Variants in SHFL observed in about 807,000 individuals in gnomAD.
SHFL encodes shiftless antiviral inhibitor of ribosomal frameshifting, also known as shiftless antiviral inhibitor of ribosomal frameshifting protein.
Under a neutral mutation model 34.7 loss-of-function variants are expected in SHFL, and 12 were observed. The observed-to-expected ratio is 0.35, with a 90% CI of 0.22 to 0.56. The LOEUF (loss-of-function observed/expected upper bound fraction) is 0.56, where lower values mean the gene tolerates loss of function less well. Among genes scored for constraint, SHFL ranks in the 20% least tolerant of loss-of-function variants. SHFL has a pLI of 0.88. For missense variants in SHFL, 278 were observed against 411.1 expected, an observed-to-expected ratio of 0.68 and a Z score of 2.80; for synonymous variants, 148 against 156.0, an observed-to-expected ratio of 0.95 and a Z score of 0.38.
intron 5 of SHFL, 24 bp downstream of exon 5, chr19:10,090,071 G>C: frequency 1.9e-6 from 3 of 1,588,176 alleles, no homozygotes; most frequent in Non-Finnish European, 2.6e-6. Flanking sequence ...ACTTAACCTC[G>C]ACTTTGACTG....
chr19:10,087,105 G>A, intron 2 of SHFL, 53 bp downstream of exon 2: 2 of 1,594,960 alleles, frequency 1.3e-6, no homozygotes, highest in South Asian at 1.1e-5. Flanking sequence ...TGGGAGCGCC[G>A]AGGGGGCGTG....
chr19:10,087,245 C>G lies in SHFL; in HGVS notation c.146-6C>G, dbSNP rs1258613400. 1.2e-6 allele frequency: 2 copies of G among 1,613,904 alleles called. No individual in the cohort carries two copies. The highest frequency in any genetic ancestry group is 2.7e-5 in the African/African-American group (2 of 74,932). On this transcript the variant is annotated splice_region_variant and splice_polypyrimidine_tract_variant and intron_variant, in intron 2 of 7. Transcript: ENST00000253110. ...GCCCTTCCCTTATATGCACTCTCCCCCGCAGGGGTAAAGCAAAAAGATGGC... is the reference window on the plus strand; with the variant it reads ...GCCCTTCCCTTATATGCACTCTCCCGCGCAGGGGTAAAGCAAAAAGATGGC...
At position 10,087,063 on chromosome 19, in the gene SHFL, A is replaced by C. The variant is rs1397960555; in HGVS notation, c.145+11A>C. 2 of 1,608,948 alleles carry C rather than the reference A, an allele frequency of 1.2e-6. No homozygotes were observed. The highest frequency in any genetic ancestry group is 1.3e-5 in the African/African-American group (1 of 74,826). The stretch of plus-strand genomic sequence containing the variant: ...GCTCCATCGTGTACGGTGAGGCTGC[A>C]GGGGTCCCGGGCCTGGTGCGGGGAC... On this transcript the variant is annotated intron_variant, in intron 2 of 7. Coordinates refer to ENST00000253110, the MANE Select transcript of SHFL (RefSeq NM_018381.4).
chr19:10,087,176 G>A, intron 2 of SHFL, 75 bp from the exon 3 acceptor site: 1 of 1,604,156 alleles, frequency 6.2e-7, no homozygotes. Context: ...GAGGCTCTGC[G>A]TCGCGGCTCT....
chr19:10,087,925 T>G (rs1257598249), intron 3 of SHFL: 1 of 159,016 alleles, frequency 6.3e-6, no homozygotes. Flanking sequence ...ATGGGAACGC[T>G]GTGGATTTAG....
In SHFL at chr19:10,091,425, C is replaced by T; in HGVS notation, c.489-51C>T. The T allele has an allele frequency of 6.4e-7, 1 of 1,553,096 alleles. No individual in the cohort carries two copies. Among genetic ancestry groups the T allele is most frequent in the Middle Eastern group, 2.1e-4 (1 of 4,874 alleles). The stretch of plus-strand genomic sequence containing the variant: ...GCCCTGCCCCTCCCTGCCCTGGCCC[C>T]ACCCTGGCCCAGCCTCGCCCTCGGA... On this transcript the variant is annotated intron_variant, in intron 6 of 7. Coordinates refer to ENST00000253110, the MANE Select transcript of SHFL (RefSeq NM_018381.4). This position sits in a 1 kb window ranked among gnomAD's most constrained non-coding sequence, Gnocchi z 8.2.
chr19:10,089,443 C>G, intron 3 of SHFL: 1 of 1,563,808 alleles, frequency 6.4e-7, no homozygotes, highest in Non-Finnish European at 8.7e-7. Context: ...GTTTCCCCAT[C>G]TGAGCAATAA....
In SHFL at chr19:10,092,446, T is replaced by C. The variant is rs2088411398; in HGVS notation, c.*144T>C. The stretch of plus-strand genomic sequence containing the variant: ...GACGGGGGGGATTCCTGGGTCCCAT[T>C]TTCAGCGCCCAGGGTCACAGATCCA... On this transcript the variant is annotated 3_prime_UTR_variant, in exon 8 of 8. Transcript: ENST00000253110. The C allele has an allele frequency of 3.3e-6, 5 of 1,521,096 alleles. No individual in the cohort carries two copies. The African/African-American group carries it at 7.0e-5, about 21-fold the overall frequency. 94.2% of individuals were successfully genotyped at this position (1,521,096 alleles called of 1,614,324 possible).
Position 10,092,894 on chromosome 19 carries a change from C to G in SHFL, c.*592C>G. 2.3e-6 allele frequency: 2 copies of G among 874,532 alleles called. No individual in the cohort carries two copies. The highest frequency in any genetic ancestry group is 3.3e-6 in the Non-Finnish European group (2 of 604,502). The allele number at this position is 874,532 out of a possible 1,614,324, so 54.2% of individuals were successfully genotyped here. ...TGGCCCCTCCCATTCTTATTGAATA[C>G]AAGCCCTGATCTTCCATCTCCTCAG... On this transcript the variant is annotated 3_prime_UTR_variant, in exon 8 of 8. Coordinates refer to ENST00000253110, the MANE Select transcript of SHFL (RefSeq NM_018381.4).
rs2088291058 is a variant in SHFL at position 10,086,734 on chromosome 19, C to T, written c.22-195C>T. 2 of 695,300 alleles carry T rather than the reference C, an allele frequency of 2.9e-6. No individual in the cohort carries two copies. The highest frequency in any genetic ancestry group is 4.7e-6 in the Non-Finnish European group (2 of 422,342). 43.1% of individuals were successfully genotyped at this position (695,300 alleles called of 1,614,324 possible). A position where few individuals can be genotyped will look rare whatever the true frequency, so the allele number is the denominator to read the frequency against. ...CTTAGGCTGGGACGCTCGCCCCAGT[C>T]CGCGCCTTCCCCCAACGCCCTGTGG... On this transcript the variant is annotated intron_variant, in intron 1 of 7. Coordinates refer to ENST00000253110, the MANE Select transcript of SHFL (RefSeq NM_018381.4). This position sits in a 1 kb window ranked among gnomAD's most constrained non-coding sequence, Gnocchi z 5.2.
At chr19:10,087,368 C>T (rs778911216) in intron 3 of SHFL, 68 bp downstream of exon 3, 1 of 1,564,456 alleles carries the variant, frequency 6.4e-7, no homozygotes, top group Non-Finnish European at 8.8e-7. Flanking sequence ...GGACCCGACC[C>T]GTTCATGGTG....
Position 10,091,679 on chromosome 19 carries a change from T to A in SHFL, c.643+49T>A, listed in dbSNP as rs1019865724. 2 of 1,489,922 alleles carry A rather than the reference T, an allele frequency of 1.3e-6. No individual in the cohort carries two copies. The highest frequency in any genetic ancestry group is 4.6e-5 in the Admixed American group (2 of 43,194). 92.3% of individuals were successfully genotyped at this position (1,489,922 alleles called of 1,614,324 possible). A position where few individuals can be genotyped will look rare whatever the true frequency, so the allele number is the denominator to read the frequency against. On this transcript the variant is annotated intron_variant, in intron 7 of 7. Coordinates refer to ENST00000253110, the MANE Select transcript of SHFL (RefSeq NM_018381.4). This position sits in a 1 kb window ranked among gnomAD's most constrained non-coding sequence, Gnocchi z 8.2. ...CCTGGACAGTCTTTGTCCCCTTCTG[T>A]GCCTTTAAGTCCCCAAATCTCCACT...
At chr19:10,088,916 T>C (rs12611087) in intron 3 of SHFL, 144,979 of 151,088 alleles carry the variant, frequency 0.96, 69,639 homozygotes, top group Non-Finnish European at 0.98. Context: ...CATTGCACTC[T>C]AGCCTGGGAG....
In SHFL at chr19:10,087,243, C is replaced by T. The variant is rs757181284; in HGVS notation, c.146-8C>T. 6 of 1,614,042 alleles carry T rather than the reference C, an allele frequency of 3.7e-6. No individual in the cohort carries two copies. The East Asian group carries it at 6.7e-5, about 18-fold the overall frequency. On this transcript the variant is annotated splice_region_variant and splice_polypyrimidine_tract_variant and intron_variant, in intron 2 of 7. Transcript: ENST00000253110. ...GGGCCCTTCCCTTATATGCACTCTCCCCCGCAGGGGTAAAGCAAAAAGATG... is the reference window on the plus strand; with the variant it reads ...GGGCCCTTCCCTTATATGCACTCTCTCCCGCAGGGGTAAAGCAAAAAGATG...
chr19:10,093,131 T>G lies in SHFL; in HGVS notation c.*829T>G. On this transcript the variant is annotated 3_prime_UTR_variant, in exon 8 of 8. Transcript: ENST00000253110. ...CCTCTGCCCTTTACTTGAACAGGAG[T>G]CTTGATTCTTTTTTTGCCTCATCAG... The G allele has an allele frequency of 3.4e-6, 2 of 589,318 alleles. No individual in the cohort carries two copies. Among genetic ancestry groups the G allele is most frequent in the Non-Finnish European group, 5.8e-6 (2 of 343,108 alleles). 36.5% of individuals were successfully genotyped at this position (589,318 alleles called of 1,614,324 possible). A position where few individuals can be genotyped will look rare whatever the true frequency, so the allele number is the denominator to read the frequency against.
intron 5 of SHFL, 60 bp downstream of exon 5, chr19:10,090,107 T>A: frequency 6.5e-7 from 1 of 1,536,956 alleles, no homozygotes; most frequent in South Asian, 1.2e-5. Flanking sequence ...CTGACTCCTA[T>A]CCTCAGTGAC....
At chr19:10,089,735 G>T in intron 4 of SHFL, 40 bp downstream of exon 4, 3 of 1,581,742 alleles carry the variant, frequency 1.9e-6, no homozygotes, top group Admixed American at 1.8e-5. Context: ...GGAGTTGGGA[G>T]GGGGACATCT....
Position 10,089,525 on chromosome 19 carries a change from T to G in SHFL, c.196-132T>G, listed in dbSNP as rs192181287. On this transcript the variant is annotated intron_variant, in intron 3 of 7. Transcript: ENST00000253110. ...GGCCACACACCTGGCTCTCAATAAGTGAGTGGTGCTCTGTGAGCTTCTGGC... is the reference window on the plus strand; with the variant it reads ...GGCCACACACCTGGCTCTCAATAAGGGAGTGGTGCTCTGTGAGCTTCTGGC... 7,453 of 1,374,584 alleles carry G rather than the reference T, an allele frequency of 5.4e-3. 64 individuals are homozygous for G. Among genetic ancestry groups the G allele is most frequent in the South Asian group, 0.026 (2,098 of 80,446 alleles). The allele number at this position is 1,374,584 out of a possible 1,614,324, so 85.1% of individuals were successfully genotyped here.
chr19:10,087,382 G>T (rs748424801), intron 3 of SHFL, 82 bp downstream of exon 3: 21 of 1,476,416 alleles, frequency 1.4e-5, no homozygotes, highest in Non-Finnish European at 1.8e-5. Context: ...CATGGTGACT[G>T]ACCCCCCTCT....
Sources: allele counts gnomAD v4.1 joint callset, GRCh38; gene constraint gnomAD v4.1.1; non-coding constraint Gnocchi (gnomAD v3.1); transcripts MANE v1.5; gene names NCBI Gene and HGNC (gene_info 2026-07-23, HGNC 2026-07-21).